FNBP1: variants seen among roughly 807,000 people sequenced by gnomAD.
FNBP1 encodes the protein formin binding protein 1.
FNBP1 carries 26 observed loss-of-function variants against 90.6 expected under a neutral mutation model. The ratio of observed to expected loss-of-function variants is 0.29; its 90% CI spans 0.21 to 0.40. FNBP1 has a LOEUF of 0.40. FNBP1 is among the 10% of genes least tolerant of loss of function. The pLI is 1.00. For missense variants in FNBP1, 635 were observed against 768.0 expected (o/e 0.83, Z 2.05); for synonymous variants, 260 against 265.2 (o/e 0.98, Z 0.19).
intron 1 of FNBP1, among the ~76,000 whole-genome samples, chr9:130,026,514 G>T (rs548897701): frequency 4.6e-5 from 7 of 151,942 alleles, no homozygotes; most frequent in African/African-American, 1.7e-4. Flanking sequence ...ACAAAAAAAA[G>T]ATCTTAAAAT....
intron 1 of FNBP1, among the ~76,000 whole-genome samples, chr9:130,030,937 G>A (rs1198086280): frequency 6.6e-6 from 1 of 152,174 alleles, no homozygotes; most frequent in African/African-American, 2.4e-5. Flanking sequence ...CAAGAATAAA[G>A]TGCTGGTAGG....
chr9:130,019,238 T>G lies in FNBP1; in HGVS notation c.24+23714A>C, dbSNP rs7867617. Reference sequence around the variant, plus strand: ...GAGTTAGACTTCCAGGAGACGGAGGTTGCAGTGAGCCGAGATCGCGCCACT... The same window carrying G: ...GAGTTAGACTTCCAGGAGACGGAGGGTGCAGTGAGCCGAGATCGCGCCACT... On this transcript the variant is annotated intron_variant, in intron 1 of 16. Transcript: ENST00000446176. 4.8e-3 allele frequency among the ~76,000 whole-genome samples: 729 copies of G among 151,074 alleles called. 2 individuals carry two copies. The highest frequency in any genetic ancestry group is 0.017 in the African/African-American group (688 of 41,130).
rs771386836 is a variant in FNBP1 at position 129,957,426 on chromosome 9, G to C, written c.447C>G (p.Asp149Glu). 6.2e-7 allele frequency: 1 copy of C among 1,613,772 alleles called. No individual in the cohort carries two copies. The highest frequency in any genetic ancestry group is 1.7e-5 in the Admixed American group (1 of 59,998). ...RRFERDCKEA[D>E]RAQQYFEKMD... The stretch of plus-strand genomic sequence containing the variant: ...TTTTCTCAAAGTACTGCTGCGCCCT[G>C]TCCGCCTCTTTGCAATCGCGTTCAA... Residue 149 changes from aspartate to glutamate, a missense_variant, in exon 6 of 17, where the codon GAC (aspartate) becomes GAG (glutamate). By Grantham distance (45) the Asp-to-Glu change is conservative. Coordinates refer to ENST00000446176, the MANE Select transcript of FNBP1 (RefSeq NM_015033.3). This position sits in a 1 kb window ranked among gnomAD's most constrained non-coding sequence, Gnocchi z 4.3.
chr9:129,912,566 T>C (rs1299388463), intron 11 of FNBP1, among the ~76,000 whole-genome samples: 3 of 152,030 alleles, frequency 2.0e-5, no homozygotes, highest in Admixed American at 1.3e-4. Context: ...CGCCCGTCTG[T>C]AATCCCAGCT....
At chr9:129,914,996 AGTTT>A in intron 11 of FNBP1, 1 of 367,680 alleles carries the variant, frequency 2.7e-6, no homozygotes, top group Non-Finnish European at 5.7e-6. Context: ...TTTAATGATT[AGTTT>A]GACTGTTGAC....
chr9:129,938,541 C>CTTTTTTTTTTTTT (rs77369142), intron 6 of FNBP1, among the ~76,000 whole-genome samples: 1 of 140,628 alleles, frequency 7.1e-6, no homozygotes, highest in African/African-American at 2.6e-5. Context: ...TTTCCTGACT[C>CTTTTTTTTTTTTT]TTTTTTTTTT....
chr9:129,918,676 T>C (rs953827193), intron 10 of FNBP1, among the ~76,000 whole-genome samples: 4 of 152,204 alleles, frequency 2.6e-5, no homozygotes, highest in African/African-American at 7.2e-5. Context: ...CATAACTCCC[T>C]TATGGATCCA....
rs189599706 is a variant in FNBP1, at chr9:130,025,410, G to A, written c.24+17542C>T. Reference sequence around the variant, plus strand: ...AGTAAAGTTTCTAACTTTAGAAATCGTCTATTGTAATTGGCATTGCCATGT... The same window carrying A: ...AGTAAAGTTTCTAACTTTAGAAATCATCTATTGTAATTGGCATTGCCATGT... On this transcript the variant is annotated intron_variant, in intron 1 of 16. Coordinates refer to ENST00000446176, the MANE Select transcript of FNBP1 (RefSeq NM_015033.3). Among the ~76,000 whole-genome samples, 19 of 152,220 alleles carry A rather than the reference G, an allele frequency of 1.2e-4. No individual in the cohort carries two copies. The East Asian group carries it at 3.3e-3, about 26-fold the overall frequency.
intron 1 of FNBP1, among the ~76,000 whole-genome samples, chr9:130,033,057 C>T (rs1055685206): frequency 6.6e-6 from 1 of 152,078 alleles, no homozygotes; most frequent in Non-Finnish European, 1.5e-5. Context: ...TCCTGCTTAC[C>T]GCAGGAGAGT....
chr9:129,965,134 G>C (rs917420093), intron 4 of FNBP1, among the ~76,000 whole-genome samples: 1 of 152,144 alleles, frequency 6.6e-6, no homozygotes, highest in South Asian at 2.1e-4. Flanking sequence ...TCTAAGCGGC[G>C]TGGATATTTC....
intron 1 of FNBP1, among the ~76,000 whole-genome samples, chr9:130,025,135 G>A (rs1435240512): frequency 1.3e-5 from 2 of 151,356 alleles, no homozygotes; most frequent in Non-Finnish European, 2.9e-5. Flanking sequence ...AGTGGAGATC[G>A]CGCCACTGCA....
At position 130,005,364 on chromosome 9, in the gene FNBP1, C is replaced by T. The variant is rs540383520; in HGVS notation, c.25-10406G>A. ...AGATTTTTTTTTTTTTTTTTTGAGA[C>T]GGAGTCTCGCTCTGTTGCACAGGCT... is the stretch of plus-strand genomic sequence containing the variant. On this transcript the variant is annotated intron_variant, in intron 1 of 16. Transcript: ENST00000446176. Among the ~76,000 whole-genome samples, 145 of 133,426 alleles carry T rather than the reference C, an allele frequency of 1.1e-3. 1 individual carries two copies. The highest frequency in any genetic ancestry group is 4.5e-3 in the Middle Eastern group (1 of 224). The allele number at this position is 133,426 out of a possible 152,430, so 87.5% of individuals were successfully genotyped here. A position where few individuals can be genotyped will look rare whatever the true frequency, so the allele number is the denominator to read the frequency against.
chr9:129,927,150 G>A (rs1181984610), intron 8 of FNBP1, 45 bp downstream of exon 8: 1 of 1,595,618 alleles, frequency 6.3e-7, no homozygotes, highest in Non-Finnish European at 8.6e-7. Flanking sequence ...GAGAAATAAT[G>A]GATCTGCAAA....
intron 2 of FNBP1, among the ~76,000 whole-genome samples, chr9:129,985,089 CG>C (rs2051948031): frequency 6.6e-6 from 1 of 151,984 alleles, no homozygotes; most frequent in African/African-American, 2.4e-5. Context: ...CAGGCCCTTT[CG>C]CGACCCTGAC....
intron 6 of FNBP1, among the ~76,000 whole-genome samples, chr9:129,936,081 CT>C (rs770349175): frequency 5.3e-5 from 8 of 152,292 alleles, no homozygotes; most frequent in Non-Finnish European, 7.4e-5. Flanking sequence ...TTTTGGAAAG[CT>C]GCTTTTCCTT....
chr9:129,909,097 T>C (rs756019292), intron 11 of FNBP1, 98 bp from the exon 12 acceptor site: 3 of 796,790 alleles, frequency 3.8e-6, no homozygotes, highest in Non-Finnish European at 6.6e-6. Context: ...TGCAGACATC[T>C]GCATGTGGCT....
chr9:130,016,695 A>G (rs559652232), intron 1 of FNBP1, among the ~76,000 whole-genome samples: 1 of 152,124 alleles, frequency 6.6e-6, no homozygotes, highest in East Asian at 1.9e-4. Context: ...GTGAGCCAAG[A>G]TCTCGCCATT....
At chr9:129,929,797 C>T in intron 6 of FNBP1, 102 bp from the exon 7 acceptor site, 1 of 1,025,064 alleles carries the variant, frequency 9.8e-7, no homozygotes, top group Non-Finnish European at 1.4e-6. Context: ...TGCCTAGGGG[C>T]CAGATTTACC....
At chr9:129,921,414 G>A (rs2041076401) in intron 10 of FNBP1, among the ~76,000 whole-genome samples, 1 of 149,726 alleles carries the variant, frequency 6.7e-6, no homozygotes, top group South Asian at 2.1e-4. Flanking sequence ...TCTTTTTTGA[G>A]ACAGAGTCTT....
Sources: allele counts gnomAD v4.1 joint callset (sites outside exome capture counted in the v4.1 genomes callset), GRCh38; gene constraint gnomAD v4.1.1; non-coding constraint Gnocchi (gnomAD v3.1); transcripts MANE v1.5; gene names NCBI Gene and HGNC (gene_info 2026-07-23, HGNC 2026-07-21).